Variants in GHR observed in about 807,000 individuals in gnomAD.
The protein encoded by GHR is GH receptor.
A neutral mutation model predicts 67.1 loss-of-function variants in GHR; 35 were observed. The observed-to-expected ratio is 0.52, with a 90% CI of 0.40 to 0.69. The LOEUF (loss-of-function observed/expected upper bound fraction) is 0.69. Among genes scored for constraint, GHR ranks in the 30% least tolerant of loss-of-function variants. GHR has a pLI of 0.00. For synonymous variants in GHR, 272 were observed against 269.1 expected, an observed-to-expected ratio of 1.01 and a Z score of -0.10; for missense variants, 792 against 764.6, an observed-to-expected ratio of 1.04 and a Z score of -0.42.
chr5:42,604,723 T>G (rs1314988405), intron 2 of GHR, among the ~76,000 whole-genome samples: 1 of 152,046 alleles, frequency 6.6e-6, no homozygotes, highest in Non-Finnish European at 1.5e-5. Flanking sequence ...ATTTTTTTTT[T>G]TTTTTTAGTT....
chr5:42,486,846 CAAAA>C (rs367995012), intron 1 of GHR, among the ~76,000 whole-genome samples: 11 of 58,128 alleles, frequency 1.9e-4, no homozygotes, highest in Admixed American at 5.7e-4. Context: ...GACTCCGTCT[CAAAA>C]AAAAAAAAAA....
intron 1 of GHR, among the ~76,000 whole-genome samples, chr5:42,431,092 T>C (rs1012063127): frequency 1.3e-5 from 2 of 152,194 alleles, no homozygotes; most frequent in Admixed American, 1.3e-4. Flanking sequence ...GGGCTATTGT[T>C]TGAATCCATT....
Position 42,424,171 on chromosome 5 carries a change from AGTGTGTGTGT to A in GHR, c.-12+255_-12+264del, listed in dbSNP as rs1158830359. On this transcript the variant is annotated intron_variant, in intron 1 of 9. Transcript: ENST00000230882. The surrounding 1 kb of genome is among the most constrained non-coding windows in gnomAD (Gnocchi z 4.1). ...CTGGTGGGTTGTTGTAACCCAATCT[AGTGTGTGTGT>A]GTGTGTGTGTGTGTGTGTGTGTGTG... Among the ~76,000 whole-genome samples the A allele has an allele frequency of 0.071, 7,124 of 100,560 alleles. 256 individuals carry two copies. The highest frequency in any genetic ancestry group is 0.094 in the Middle Eastern group (18 of 192). 66.0% of individuals were successfully genotyped at this position (100,560 alleles called of 152,430 possible).
At chr5:42,576,187 A>G (rs1223082968) in intron 2 of GHR, among the ~76,000 whole-genome samples, 3 of 151,734 alleles carry the variant, frequency 2.0e-5, no homozygotes, top group Non-Finnish European at 4.4e-5. Context: ...AATCTACATC[A>G]CCAAAGCACT....
intron 1 of GHR, among the ~76,000 whole-genome samples, chr5:42,557,416 A>G (rs887873214): frequency 6.6e-5 from 10 of 152,184 alleles, no homozygotes; most frequent in Non-Finnish European, 1.5e-4. Context: ...AATATACCCC[A>G]TAGGAACATA....
At chr5:42,534,456 A>G (rs578243458) in intron 1 of GHR, among the ~76,000 whole-genome samples, 2 of 141,544 alleles carry the variant, frequency 1.4e-5, no homozygotes, top group African/African-American at 5.5e-5. Flanking sequence ...GTATATATGT[A>G]TGTATATATG....
intron 1 of GHR, among the ~76,000 whole-genome samples, chr5:42,446,192 G>A (rs757479027): frequency 7.9e-5 from 12 of 152,186 alleles, no homozygotes; most frequent in Non-Finnish European, 1.6e-4. Flanking sequence ...CACTCATAAT[G>A]TAAGCTAATG....
intron 1 of GHR, among the ~76,000 whole-genome samples, chr5:42,553,042 T>A (rs1314971191): frequency 6.6e-6 from 1 of 152,210 alleles, no homozygotes; most frequent in East Asian, 1.9e-4. Flanking sequence ...GTGGTGATTA[T>A]CTTCCTGATT....
At chr5:42,509,032 T>C (rs1746898854) in intron 1 of GHR, among the ~76,000 whole-genome samples, 1 of 152,222 alleles carries the variant, frequency 6.6e-6, no homozygotes, top group South Asian at 2.1e-4. Context: ...CTGGTTACCT[T>C]TCCTTTAGCA....
intron 1 of GHR, among the ~76,000 whole-genome samples, chr5:42,448,628 T>C (rs1743920271): frequency 6.7e-6 from 1 of 150,262 alleles, no homozygotes; most frequent in Non-Finnish European, 1.5e-5. Flanking sequence ...TGCAGAAGCT[T>C]TTTAATTAAT....
intron 3 of GHR, among the ~76,000 whole-genome samples, chr5:42,651,966 C>T (rs1329792399): frequency 6.6e-6 from 1 of 151,924 alleles, no homozygotes; most frequent in Non-Finnish European, 1.5e-5. Context: ...TAAGATCATG[C>T]AAAAAGGGAA....
intron 1 of GHR, among the ~76,000 whole-genome samples, chr5:42,428,833 C>T (rs904155571): frequency 6.6e-6 from 1 of 152,206 alleles, no homozygotes; most frequent in Non-Finnish European, 1.5e-5. Context: ...TTGGTCAAAG[C>T]CATTCAACAA....
chr5:42,460,918 A>G (rs1744462158), intron 1 of GHR, among the ~76,000 whole-genome samples: 1 of 152,210 alleles, frequency 6.6e-6, no homozygotes, highest in African/African-American at 2.4e-5. Context: ...CTAATGTAAT[A>G]TCATTTGAGA....
chr5:42,476,380 C>T (rs929462379), intron 1 of GHR, among the ~76,000 whole-genome samples: 1 of 151,996 alleles, frequency 6.6e-6, no homozygotes, highest in East Asian at 1.9e-4. Flanking sequence ...CCACCATGCC[C>T]GGCTAAATTT....
At chr5:42,544,883 A>G (rs1284972651) in intron 1 of GHR, among the ~76,000 whole-genome samples, 1 of 152,222 alleles carries the variant, frequency 6.6e-6, no homozygotes, top group African/African-American at 2.4e-5. Context: ...ATATGATGGA[A>G]TATGAATTAA....
intron 6 of GHR, among the ~76,000 whole-genome samples, chr5:42,706,258 G>A (rs6889614): frequency 0.043 from 6,460 of 151,962 alleles, 191 homozygotes; most frequent in African/African-American, 0.084. Context: ...TTTTTGGCTT[G>A]TTGATTTAAA....
intron 1 of GHR, among the ~76,000 whole-genome samples, chr5:42,553,208 G>A (rs558382208): frequency 6.6e-6 from 1 of 152,228 alleles, no homozygotes; most frequent in East Asian, 1.9e-4. Flanking sequence ...GCACACCATG[G>A]CCCAACTGGG....
chr5:42,573,495 A>G (rs1750452340), intron 2 of GHR, among the ~76,000 whole-genome samples: 1 of 152,086 alleles, frequency 6.6e-6, no homozygotes, highest in Non-Finnish European at 1.5e-5. Context: ...GTCACTGGCC[A>G]ACATTCTGCA....
intron 1 of GHR, among the ~76,000 whole-genome samples, chr5:42,534,135 CATAT>C (rs1748109571): frequency 7.0e-6 from 1 of 142,504 alleles, no homozygotes; most frequent in African/African-American, 2.6e-5. Flanking sequence ...TATATATGTA[CATAT>C]GTATATATGT....
Sources: allele counts gnomAD v4.1 joint callset (sites outside exome capture counted in the v4.1 genomes callset), GRCh38; gene constraint gnomAD v4.1.1; non-coding constraint Gnocchi (gnomAD v3.1); transcripts MANE v1.5; gene names NCBI Gene and HGNC (gene_info 2026-07-23, HGNC 2026-07-21).